The following CHODL variants were observed in gnomAD, a reference collection of about 807,000 sequenced individuals.
CHODL encodes chondrolectin.
Under a neutral mutation model 34.5 loss-of-function variants are expected in CHODL, and 29 were observed. The observed-to-expected ratio is 0.84, with a 90% CI of 0.63 to 1.15. The LOEUF (loss-of-function observed/expected upper bound fraction) is 1.15. Among genes scored for constraint, CHODL ranks in the 50% most tolerant of loss-of-function variants. CHODL has a pLI of 0.00. For missense variants in CHODL, 332 were observed against 332.5 expected (o/e 1.00, Z 0.01); for synonymous variants, 125 against 116.1 (o/e 1.08, Z -0.49).
In CHODL at chr21:17,931,549, A is replaced by C. The variant is rs138236533; in HGVS notation, c.-145+14149A>C. 1.5e-3 allele frequency among the ~76,000 whole-genome samples: 223 copies of C among 152,360 alleles called. 2 individuals carry two copies. The highest frequency in any genetic ancestry group is 1.8e-3 in the Non-Finnish European group (123 of 68,036). ...ACTAGCTTGCTAGCAATGGATTCTA[A>C]CCAGAATGAAAATTCTGAAATTACA... On this transcript the variant is annotated intron_variant, in intron 1 of 6. Transcript: ENST00000400127.
intron 2 of CHODL, among the ~76,000 whole-genome samples, chr21:18,167,226 T>TGGGTGG (rs1568919650): frequency 4.2e-5 from 5 of 118,160 alleles, no homozygotes; most frequent in African/African-American, 7.9e-5. Flanking sequence ...TGTGTGTGTG[T>TGGGTGG]GTGTGTGTGT....
chr21:18,009,169 A>G (rs1555850732), intron 1 of CHODL, among the ~76,000 whole-genome samples: 1 of 152,210 alleles, frequency 6.6e-6, no homozygotes, highest in Non-Finnish European at 1.5e-5. Flanking sequence ...CATGAATACA[A>G]TTCCGTTCAG....
chr21:18,056,280 T>C (rs1009116252), intron 2 of CHODL, among the ~76,000 whole-genome samples: 48 of 152,148 alleles, frequency 3.2e-4, no homozygotes, highest in South Asian at 2.5e-3. Flanking sequence ...ATTTCAAATC[T>C]TGTTTATGTA....
intron 2 of CHODL, among the ~76,000 whole-genome samples, chr21:18,157,560 G>A (rs1159573790): frequency 6.6e-6 from 1 of 152,166 alleles, no homozygotes; most frequent in Non-Finnish European, 1.5e-5. Flanking sequence ...CAGCCAAACA[G>A]CAGATGGCCT....
chr21:18,188,806 T>G (rs2073476264), intron 2 of CHODL, among the ~76,000 whole-genome samples: 1 of 152,186 alleles, frequency 6.6e-6, no homozygotes, highest in African/African-American at 2.4e-5. Flanking sequence ...GAATGGGGCA[T>G]TGCAAGGAAT....
intron 2 of CHODL, among the ~76,000 whole-genome samples, chr21:18,220,960 C>T (rs1279401901): frequency 1.3e-5 from 2 of 151,968 alleles, no homozygotes; most frequent in Non-Finnish European, 2.9e-5. Flanking sequence ...AAGTTTTCAG[C>T]CATTATTTTG....
intron 2 of CHODL, among the ~76,000 whole-genome samples, chr21:18,098,520 A>C (rs1251488394): frequency 1.3e-5 from 2 of 152,148 alleles, no homozygotes; most frequent in East Asian, 3.9e-4. Context: ...AATCAAAACT[A>C]CAATGAGACA....
In CHODL at chr21:17,937,081, CAAAAAAAAA is replaced by C. The variant is rs71189570; in HGVS notation, c.-145+19692_-145+19700del. Among the ~76,000 whole-genome samples the C allele has an allele frequency of 2.2e-4, 21 of 94,718 alleles. No individual in the cohort carries two copies. The South Asian group carries it at 6.2e-3, about 28-fold the overall frequency. The allele number at this position is 94,718 out of a possible 152,430, so 62.1% of individuals were successfully genotyped here. ...TGGGTGACAGGGTGAGACTCCATCT[CAAAAAAAAA>C]AAAAAAAAAATTAGGAGGAAGAGGA... On this transcript the variant is annotated intron_variant, in intron 1 of 6. Coordinates refer to the CHODL transcript ENST00000400127.
intron 2 of CHODL, among the ~76,000 whole-genome samples, chr21:18,127,497 G>A (rs553198415): frequency 4.0e-4 from 61 of 152,104 alleles, no homozygotes; most frequent in African/African-American, 1.4e-3. Context: ...TTAGAAACCA[G>A]CTTGAATATG....
intron 2 of CHODL, among the ~76,000 whole-genome samples, chr21:18,039,278 A>T (rs926786750): frequency 6.6e-6 from 1 of 151,772 alleles, no homozygotes; most frequent in African/African-American, 2.4e-5. Flanking sequence ...TTTAAGAAGA[A>T]ATCTATTTTG....
Position 18,136,713 on chromosome 21 carries a change from TC to T in CHODL, c.-45+108743del, listed in dbSNP as rs535364260. Among the ~76,000 whole-genome samples the T allele has an allele frequency of 4.3e-3, 450 of 103,712 alleles. 4 individuals carry two copies. Among genetic ancestry groups the T allele is most frequent in the African/African-American group, 0.015 (432 of 28,594 alleles). 68.0% of individuals were successfully genotyped at this position (103,712 alleles called of 152,430 possible). ...AGATACTCTCAATGAAGAAGGTAAATCAAAGCATATATATATATATATATAT... is the reference window on the plus strand; with the variant it reads ...AGATACTCTCAATGAAGAAGGTAAATAAAGCATATATATATATATATATAT... On this transcript the variant is annotated intron_variant, in intron 2 of 6. Coordinates refer to the CHODL transcript ENST00000400127.
At chr21:18,034,418 C>G (rs1244643769) in intron 2 of CHODL, 1 of 151,938 alleles carries the variant, frequency 6.6e-6, no homozygotes, top group Non-Finnish European at 1.5e-5. Context: ...CTTGGGAAGT[C>G]TTCCACAATC....
At chr21:17,982,581 CTT>C (rs1190738018) in intron 1 of CHODL, among the ~76,000 whole-genome samples, 1 of 149,848 alleles carries the variant, frequency 6.7e-6, no homozygotes, top group South Asian at 2.1e-4. Flanking sequence ...ATTGTGTACT[CTT>C]TTAAAAAAAA....
chr21:18,245,358 C>A, intron 1 of CHODL, 56 bp downstream of exon 1: 1 of 1,390,506 alleles, frequency 7.2e-7, no homozygotes, highest in Non-Finnish European at 9.5e-7. Flanking sequence ...CCACGGGGCG[C>A]GGCGGGCAGC....
intron 1 of CHODL, 115 bp from the exon 2 acceptor site, chr21:18,256,394 A>C (rs372844585): frequency 2.3e-5 from 23 of 1,003,726 alleles, no homozygotes; most frequent in East Asian, 1.8e-4. Flanking sequence ...TCAGTGGGAG[A>C]AGCATTTCTG....
chr21:18,263,875 T>C (rs1359626231), intron 5 of CHODL, among the ~76,000 whole-genome samples: 4 of 151,862 alleles, frequency 2.6e-5, no homozygotes, highest in Admixed American at 6.6e-5. Flanking sequence ...GAAATACTAA[T>C]TCTACACAAA....
chr21:18,074,694 A>T (rs1043394948), intron 2 of CHODL, among the ~76,000 whole-genome samples: 3 of 152,112 alleles, frequency 2.0e-5, no homozygotes, highest in Admixed American at 6.6e-5. Flanking sequence ...AGGTTTTCTA[A>T]GTTTATTTTC....
chr21:18,056,224 C>A (rs2064578225), intron 2 of CHODL, among the ~76,000 whole-genome samples: 2 of 151,938 alleles, frequency 1.3e-5, no homozygotes, highest in Admixed American at 1.3e-4. Flanking sequence ...ATTTTGAAGG[C>A]ATTTCTCCAG....
chr21:18,126,274 T>A (rs1486960900), intron 2 of CHODL, among the ~76,000 whole-genome samples: 4 of 152,236 alleles, frequency 2.6e-5, no homozygotes, highest in East Asian at 1.9e-4. Context: ...AAGGCTTAGA[T>A]GATTATTAAT....
Sources: allele counts gnomAD v4.1 joint callset (sites outside exome capture counted in the v4.1 genomes callset), GRCh38; gene constraint gnomAD v4.1.1; transcripts MANE v1.5; gene names NCBI Gene and HGNC (gene_info 2026-07-23, HGNC 2026-07-21).